SIM2: variants seen among roughly 807,000 people sequenced by gnomAD.
The protein encoded by SIM2 is SIM bHLH transcription factor 2, also known as single-minded homolog 2.
In SIM2, 28 loss-of-function variants were observed where a neutral mutation model predicts 64.8. The observed-to-expected ratio is 0.43, with a 90% CI of 0.32 to 0.59. The LOEUF is 0.59. SIM2 is among the 20% of genes least tolerant of loss of function. SIM2 has a pLI of 0.07. For missense variants in SIM2, 847 were observed against 871.4 expected, an observed-to-expected ratio of 0.97 and a Z score of 0.35; for synonymous variants, 408 against 391.1, an observed-to-expected ratio of 1.04 and a Z score of -0.51.
intron 7 of SIM2, among the ~76,000 whole-genome samples, chr21:36,738,086 G>A (rs1000314859): frequency 4.6e-5 from 7 of 151,748 alleles, no homozygotes; most frequent in South Asian, 4.2e-4. Context: ...CTTGAAATCC[G>A]TGGATGGATC....
chr21:36,713,570 G>C (rs1601691222), intron 3 of SIM2, among the ~76,000 whole-genome samples: 1 of 152,204 alleles, frequency 6.6e-6, no homozygotes, highest in East Asian at 1.9e-4. Flanking sequence ...AGATACAGAG[G>C]ATGGGTTCCA....
At chr21:36,700,708 C>G (rs1175243756) in intron 1 of SIM2, among the ~76,000 whole-genome samples, 1 of 152,198 alleles carries the variant, frequency 6.6e-6, no homozygotes, top group Non-Finnish European at 1.5e-5. Flanking sequence ...CGGGCCCTCT[C>G]GTGAGGCTGG....
In SIM2 at chr21:36,740,055, GAA is replaced by G. The variant is rs201529447; in HGVS notation, c.851-1660_851-1659del. Among the ~76,000 whole-genome samples the G allele has an allele frequency of 8.1e-3, 1,019 of 126,558 alleles. 22 individuals carry two copies. In the East Asian group the frequency reaches 0.085, roughly 11 times the overall value. 83.0% of individuals were successfully genotyped at this position (126,558 alleles called of 152,430 possible). On this transcript the variant is annotated intron_variant, in intron 7 of 10. Coordinates refer to ENST00000290399, the MANE Select transcript of SIM2 (RefSeq NM_005069.6). The stretch of plus-strand genomic sequence containing the variant: ...AGAAAGAAAGAAAGAAAGAAAGAAA[GAA>G]AGAGAAAATGCCACTCACCATAGAT...
Position 36,748,820 on chromosome 21 carries a change from A to G in SIM2, c.*728A>G, listed in dbSNP as rs1213148535. 1 of 152,592 alleles carries G rather than the reference A, an allele frequency of 6.6e-6. No individual in the cohort carries two copies. The highest frequency in any genetic ancestry group is 1.9e-4 in the East Asian group (1 of 5,200). 9.5% of individuals were successfully genotyped at this position (152,592 alleles called of 1,614,324 possible). On this transcript the variant is annotated 3_prime_UTR_variant, in exon 11 of 11. Transcript: ENST00000290399. ...ACCAAGAGTAGCACCTTCAGAATAT[A>G]TTGAATAGGCATTAAATGCAAAAAT...
chr21:36,700,724 G>A (rs1363687548), intron 1 of SIM2, among the ~76,000 whole-genome samples: 1 of 152,194 alleles, frequency 6.6e-6, no homozygotes, highest in Non-Finnish European at 1.5e-5. Flanking sequence ...GCTGGGGTGC[G>A]GGAAGTCCGG....
intron 7 of SIM2, among the ~76,000 whole-genome samples, chr21:36,740,256 C>CT (rs1362743116): frequency 5.9e-5 from 9 of 152,106 alleles, no homozygotes; most frequent in African/African-American, 2.2e-4. Context: ...CCCCCTCGTG[C>CT]TTCAGCCCCT....
chr21:36,741,996 T>G (rs2089167866), intron 8 of SIM2, 132 bp downstream of exon 8: 1 of 1,061,942 alleles, frequency 9.4e-7, no homozygotes, highest in African/African-American at 1.7e-5. Context: ...TTTTTCTTTT[T>G]TTTAATTTTT....
intron 4 of SIM2, 53 bp from the exon 5 acceptor site, chr21:36,722,992 A>T (rs1400707981): frequency 1.4e-6 from 2 of 1,406,806 alleles, no homozygotes; most frequent in Non-Finnish European, 2.0e-6. Flanking sequence ...TGGAATAAGG[A>T]TGGGGGAAGC....
rs1259478920 is a variant in SIM2 at position 36,699,545 on chromosome 21, G to C, written c.-202G>C. The C allele has an allele frequency of 2.5e-6, 1 of 405,492 alleles. No homozygotes were observed. The highest frequency in any genetic ancestry group is 4.9e-5 in the Admixed American group (1 of 20,512). The allele number at this position is 405,492 out of a possible 1,614,324, so 25.1% of individuals were successfully genotyped here. On this transcript the variant is annotated 5_prime_UTR_variant, in exon 1 of 11. Coordinates refer to ENST00000290399, the MANE Select transcript of SIM2 (RefSeq NM_005069.6). The surrounding 1 kb of genome is among the most constrained non-coding windows in gnomAD (Gnocchi z 5.6). ...GCTCCGGGCAGCGGCGGGCGGCGCC[G>C]CCGGGTTGCTCGGAGCTCAGGCCCG...
chr21:36,729,370 C>T (rs2123470619), intron 6 of SIM2, among the ~76,000 whole-genome samples: 1 of 152,198 alleles, frequency 6.6e-6, no homozygotes, highest in East Asian at 1.9e-4. Flanking sequence ...CTACAAGGCC[C>T]CCTCCCCGCA....
chr21:36,733,311 G>C (rs1264065447), intron 7 of SIM2, among the ~76,000 whole-genome samples: 1 of 151,584 alleles, frequency 6.6e-6, no homozygotes. Flanking sequence ...TGCAGCCTCT[G>C]CCTCCTGGGT....
chr21:36,741,992 T>A, intron 8 of SIM2, 128 bp downstream of exon 8: 1 of 1,007,630 alleles, frequency 9.9e-7, no homozygotes, highest in Non-Finnish European at 1.4e-6. Flanking sequence ...GTTTTTTTTC[T>A]TTTTTTTAAT....
At chr21:36,709,711 T>G in intron 2 of SIM2, 1 of 327,970 alleles carries the variant, frequency 3.0e-6, no homozygotes, top group Non-Finnish European at 5.9e-6. Flanking sequence ...TAATACAATA[T>G]TAACAGGAGC....
rs546421154 is a variant in SIM2 at position 36,733,759 on chromosome 21, C to T, written c.850+2608C>T. ...TGTATTTTTAGTAGAGACGGGGTTT[C>T]ACCGTGTTAGCCAGGATGGTCTCAA... On this transcript the variant is annotated intron_variant, in intron 7 of 10. Coordinates refer to ENST00000290399, the MANE Select transcript of SIM2 (RefSeq NM_005069.6). 2.1e-3 allele frequency among the ~76,000 whole-genome samples: 326 copies of T among 152,236 alleles called. 1 individual carries two copies. Among genetic ancestry groups the T allele is most frequent in the African/African-American group, 6.8e-3 (282 of 41,548 alleles).
At chr21:36,744,141 G>A (rs2089197860) in intron 9 of SIM2, among the ~76,000 whole-genome samples, 1 of 152,012 alleles carries the variant, frequency 6.6e-6, no homozygotes, top group Admixed American at 6.6e-5. Flanking sequence ...CTGAGACAGG[G>A]AAATCGCTTG....
At chr21:36,709,419 C>A in intron 2 of SIM2, 169 bp downstream of exon 2, 1 of 713,776 alleles carries the variant, frequency 1.4e-6, no homozygotes, top group Non-Finnish European at 2.5e-6. Flanking sequence ...CTTAGCATGT[C>A]GGATGCGGCC....
Position 36,747,856 on chromosome 21 carries a change from G to A in SIM2, c.1768G>A (p.Gly590Ser). ...CGCGCCCCCGACCCCCGAGGCCCCG[G>A]GCGCGCCGGCGCAGCTGCCCTTCGT... ...CCAPPTPEAP[G>S]APAQLPFVLL... Residue 590 changes from glycine to serine, a missense_variant, in exon 11 of 11, where the codon GGC becomes AGC. Transcript: ENST00000290399. This position sits in a 1 kb window ranked among gnomAD's most constrained non-coding sequence, Gnocchi z 4.5. 9.6e-7 allele frequency: 1 copy of A among 1,040,526 alleles called. No homozygotes were observed. Among genetic ancestry groups the A allele is most frequent in the Non-Finnish European group, 1.2e-6 (1 of 863,394 alleles). The allele number at this position is 1,040,526 out of a possible 1,614,324, so 64.5% of individuals were successfully genotyped here. A position where few individuals can be genotyped will look rare whatever the true frequency, so the allele number is the denominator to read the frequency against.
At chr21:36,744,325 A>AAG (rs1555877738) in intron 9 of SIM2, among the ~76,000 whole-genome samples, 6 of 151,506 alleles carry the variant, frequency 4.0e-5, no homozygotes, top group African/African-American at 1.2e-4. Flanking sequence ...AAAAAAAAAA[A>AAG]AAAGAAAGAA....
chr21:36,700,060 G>A (rs1478949592), intron 1 of SIM2, 139 bp downstream of exon 1: 2 of 867,870 alleles, frequency 2.3e-6, no homozygotes. Context: ...GGTTGCGTGA[G>A]GGTCTTCGGC....
Sources: gnomAD v4.1 joint callset for allele counts (sites outside exome capture counted in the v4.1 genomes callset) on GRCh38, gnomAD v4.1.1 for gene constraint, Gnocchi (gnomAD v3.1) non-coding constraint, MANE v1.5 for transcripts, NCBI Gene and HGNC (gene_info 2026-07-23, HGNC 2026-07-21) for gene names.